The following SLC35F1 variants were observed in gnomAD, a reference collection of about 807,000 sequenced individuals.
SLC35F1 encodes the protein solute carrier family 35 member F1.
Under a neutral mutation model 48.7 loss-of-function variants are expected in SLC35F1, and 14 were observed. The observed-to-expected ratio is 0.29, with a 90% confidence interval of 0.19 to 0.45. The LOEUF (loss-of-function observed/expected upper bound fraction) is 0.45, where lower values mean the gene tolerates loss of function less well. SLC35F1 is among the 20% of genes least tolerant of loss of function. The pLI, the probability that SLC35F1 is intolerant of heterozygous loss-of-function variation, is 1.00. For synonymous variants in SLC35F1, 190 were observed against 202.2 expected (o/e 0.94, Z 0.51); for missense variants, 404 against 500.0 (o/e 0.81, Z 1.83).
In SLC35F1 at chr6:118,240,353, G is replaced by C. The variant is rs79283340; in HGVS notation, c.477+4717G>C. Among the ~76,000 whole-genome samples, 1,440 of 152,302 alleles carry C rather than the reference G, an allele frequency of 9.5e-3. 23 individuals are homozygous for C. The highest frequency in any genetic ancestry group is 0.033 in the African/African-American group (1,368 of 41,560). On this transcript the variant is annotated intron_variant, in intron 3 of 7. Transcript: ENST00000360388. ...ATAAAAAGTGGAGAGGATAAAATGT[G>C]GGTATAACTTTGCATATGAAACAAA...
chr6:118,295,138 C>A (rs1044066639), intron 7 of SLC35F1, among the ~76,000 whole-genome samples: 1 of 152,078 alleles, frequency 6.6e-6, no homozygotes, highest in African/African-American at 2.4e-5. Flanking sequence ...CCCATATGTG[C>A]CAGCTTCTCT....
intron 1 of SLC35F1, among the ~76,000 whole-genome samples, chr6:118,111,396 T>C (rs1773397678): frequency 6.6e-6 from 1 of 152,106 alleles, no homozygotes; most frequent in Admixed American, 6.6e-5. Flanking sequence ...AATGATTATA[T>C]TGCACTTCCC....
intron 2 of SLC35F1, among the ~76,000 whole-genome samples, chr6:118,166,067 T>C (rs1459032935): frequency 1.3e-5 from 2 of 152,076 alleles, no homozygotes; most frequent in Non-Finnish European, 2.9e-5. Context: ...TAAAAGAAAT[T>C]GGTCTCCCAT....
At chr6:118,114,097 G>A (rs62423668) in intron 1 of SLC35F1, among the ~76,000 whole-genome samples, 1 of 152,050 alleles carries the variant, frequency 6.6e-6, no homozygotes, top group Admixed American at 6.6e-5. Flanking sequence ...ATATATGCCA[G>A]TATTATCCCC....
intron 1 of SLC35F1, among the ~76,000 whole-genome samples, chr6:117,924,466 A>ATATGTATATACG (rs1775995471): frequency 7.2e-4 from 13 of 18,156 alleles, no homozygotes; most frequent in African/African-American, 2.2e-3. Flanking sequence ...ATGTGTGTAC[A>ATATGTATATACG]TATATACATA....
At chr6:118,253,644 C>T (rs1452980901) in intron 3 of SLC35F1, among the ~76,000 whole-genome samples, 1 of 151,900 alleles carries the variant, frequency 6.6e-6, no homozygotes, top group Non-Finnish European at 1.5e-5. Flanking sequence ...AAAGACAGAA[C>T]AAAGGGCCAA....
chr6:118,170,493 G>T (rs1774386863), intron 2 of SLC35F1, among the ~76,000 whole-genome samples: 1 of 152,180 alleles, frequency 6.6e-6, no homozygotes, highest in Non-Finnish European at 1.5e-5. Context: ...AGGCTGGAGT[G>T]CAGTGGTGCA....
At chr6:118,018,751 G>T (rs765713032) in intron 1 of SLC35F1, among the ~76,000 whole-genome samples, 1 of 152,138 alleles carries the variant, frequency 6.6e-6, no homozygotes. Flanking sequence ...GCTAGCTGGG[G>T]ATGTGTGGCT....
intron 2 of SLC35F1, among the ~76,000 whole-genome samples, chr6:118,216,069 C>CTTGATT (rs1775067262): frequency 1.5e-5 from 2 of 136,528 alleles, no homozygotes; most frequent in Admixed American, 1.7e-4. Flanking sequence ...CTCTAGTCTT[C>CTTGATT]TTGTTTTTTG....
In SLC35F1 at chr6:118,039,809, T is replaced by TTTTG. The variant is rs1329354635; in HGVS notation, c.174-114633_174-114632insGTTT. ...AAGCATCTCAGGATTGTTTTTTTTG[T>TTTTG]TTTTTTTTTTTGCTTCAGACTGGCT... On this transcript the variant is annotated intron_variant, in intron 1 of 7. Coordinates refer to ENST00000360388, the MANE Select transcript of SLC35F1 (RefSeq NM_001029858.4). Among the ~76,000 whole-genome samples the TTTTG allele has an allele frequency of 1.5e-4, 21 of 137,238 alleles. No individual in the cohort carries two copies. The East Asian group carries it at 4.0e-3, about 26-fold the overall frequency. 90.0% of individuals were successfully genotyped at this position (137,238 alleles called of 152,430 possible).
chr6:118,190,789 A>G (rs541856067), intron 2 of SLC35F1, among the ~76,000 whole-genome samples: 1 of 152,264 alleles, frequency 6.6e-6, no homozygotes, highest in South Asian at 2.1e-4. Flanking sequence ...CTAAAGTCAA[A>G]TAGATCAAAG....
chr6:117,952,488 A>G (rs1401070558), intron 1 of SLC35F1, among the ~76,000 whole-genome samples: 1 of 152,192 alleles, frequency 6.6e-6, no homozygotes, highest in Non-Finnish European at 1.5e-5. Flanking sequence ...TCTTTTTCTT[A>G]AATCACCTGA....
chr6:118,117,197 A>G (rs890273056), intron 1 of SLC35F1, among the ~76,000 whole-genome samples: 2 of 152,140 alleles, frequency 1.3e-5, no homozygotes, highest in Admixed American at 1.3e-4. Context: ...AACCGTACCA[A>G]CACCCCTATT....
chr6:117,945,123 A>G (rs1776280440), intron 1 of SLC35F1, among the ~76,000 whole-genome samples: 1 of 152,188 alleles, frequency 6.6e-6, no homozygotes, highest in African/African-American at 2.4e-5. Flanking sequence ...TGGCTGAGGA[A>G]GATCCCTCTT....
At chr6:118,284,135 T>C (rs911148176) in intron 6 of SLC35F1, among the ~76,000 whole-genome samples, 12 of 152,336 alleles carry the variant, frequency 7.9e-5, no homozygotes, top group Middle Eastern at 3.4e-3. Flanking sequence ...CTGGTCTTCA[T>C]AGTCAGAAAG....
chr6:117,928,021 G>C (rs1776051308), intron 1 of SLC35F1, among the ~76,000 whole-genome samples: 1 of 152,080 alleles, frequency 6.6e-6, no homozygotes, highest in Non-Finnish European at 1.5e-5. Flanking sequence ...GCTTTTAAAA[G>C]GCATTTGGCA....
At chr6:117,928,351 A>G (rs1208784368) in intron 1 of SLC35F1, among the ~76,000 whole-genome samples, 1 of 152,164 alleles carries the variant, frequency 6.6e-6, no homozygotes, top group African/African-American at 2.4e-5. Flanking sequence ...AGTCTGAATC[A>G]ATTTCTGTAT....
At chr6:118,299,129 C>T (rs139902568) in intron 7 of SLC35F1, among the ~76,000 whole-genome samples, 1,833 of 152,096 alleles carry the variant, frequency 0.012, 17 homozygotes, top group Non-Finnish European at 0.018. Context: ...TGCAGTGAGC[C>T]ATGATCACAC....
intron 1 of SLC35F1, among the ~76,000 whole-genome samples, chr6:117,993,184 C>G (rs538848651): frequency 8.5e-5 from 13 of 152,248 alleles, no homozygotes; most frequent in African/African-American, 2.6e-4. Context: ...CTGGCCAGAG[C>G]TGGGGCATAG....
Sources: gnomAD v4.1 joint callset for allele counts (sites outside exome capture counted in the v4.1 genomes callset) on GRCh38, gnomAD v4.1.1 for gene constraint, MANE v1.5 for transcripts, NCBI Gene and HGNC (gene_info 2026-07-23, HGNC 2026-07-21) for gene names.